RPL14: variants seen among roughly 807,000 people sequenced by gnomAD.
RPL14 encodes ribosomal protein L14, also known as large ribosomal subunit protein eL14.
A neutral mutation model predicts 25.3 loss-of-function variants in RPL14; 4 were observed. The ratio of observed to expected loss-of-function variants is 0.16; its 90% CI spans 0.08 to 0.36. The LOEUF is 0.36. RPL14 is among the 10% of genes least tolerant of loss of function. The pLI, the probability that RPL14 is intolerant of heterozygous loss-of-function variation, is 1.00. For synonymous variants in RPL14, 75 were observed against 89.8 expected (o/e 0.84, Z 0.93); for missense variants, 212 against 261.9 (o/e 0.81, Z 1.31).
rs1359946038 is a variant in RPL14 at position 40,467,504 on chromosome 3, T to C, written c.*5272T>C. ...CAAATTCACGCTTCCTCCCCCATTT[T>C]GTTCTATTTGAACCTTCCGTGGATA... On this transcript the variant is annotated 3_prime_UTR_variant, in exon 6 of 6. Transcript: ENST00000396203. The C allele has an allele frequency of 1.6e-4, 24 of 152,614 alleles. No individual in the cohort carries two copies. The East Asian group carries it at 4.6e-3, about 29-fold the overall frequency. The allele number at this position is 152,614 out of a possible 1,614,324, so 9.5% of individuals were successfully genotyped here. A position where few individuals can be genotyped will look rare whatever the true frequency, so the allele number is the denominator to read the frequency against.
Position 40,463,349 on chromosome 3 carries a change from G to C in RPL14, c.*1117G>C, listed in dbSNP as rs1696977911. ...GCCTTCTGAGTAGTTGGGACTATAG[G>C]TGTGTGCCACCACGTCTGGCTAGTT... On this transcript the variant is annotated 3_prime_UTR_variant, in exon 6 of 6. Coordinates refer to ENST00000396203, the MANE Select transcript of RPL14 (RefSeq NM_001034996.3). The C allele has an allele frequency of 6.6e-6, 1 of 152,196 alleles. No homozygotes were observed. The highest frequency in any genetic ancestry group is 6.6e-5 in the Admixed American group (1 of 15,264). 9.4% of individuals were successfully genotyped at this position (152,196 alleles called of 1,614,324 possible).
rs1487968098 is a variant in RPL14, at chr3:40,467,525, G to A, written c.*5293G>A. 1.3e-5 allele frequency: 2 copies of A among 152,374 alleles called. No homozygotes were observed. The highest frequency in any genetic ancestry group is 2.4e-5 in the African/African-American group (1 of 41,438). 9.4% of individuals were successfully genotyped at this position (152,374 alleles called of 1,614,324 possible). On this transcript the variant is annotated 3_prime_UTR_variant, in exon 6 of 6. Transcript: ENST00000396203. ...ATTTTGTTCTATTTGAACCTTCCGT[G>A]GATAGGATGATGCCCACCTGCATTG...
rs1438238262 is a variant in RPL14, at chr3:40,465,380, G to C, written c.*3148G>C. On this transcript the variant is annotated 3_prime_UTR_variant, in exon 6 of 6. Transcript: ENST00000396203. ...GCTTCTGGGAAAGGAGCTAATAGGA[G>C]AGAAACTTAGCCCTTCGAAAAACAG... 3.9e-5 allele frequency: 6 copies of C among 152,206 alleles called. No individual in the cohort carries two copies. Among genetic ancestry groups the C allele is most frequent in the Non-Finnish European group, 7.3e-5 (5 of 68,068 alleles). 9.4% of individuals were successfully genotyped at this position (152,206 alleles called of 1,614,324 possible). A position where few individuals can be genotyped will look rare whatever the true frequency, so the allele number is the denominator to read the frequency against.
intron 1 of RPL14, 158 bp from the exon 2 acceptor site, chr3:40,457,732 G>T: frequency 1.4e-6 from 1 of 726,898 alleles, no homozygotes. Context: ...GGCGTTTGCT[G>T]ATTTCGTCCA....
intron 5 of RPL14, 120 bp downstream of exon 5, chr3:40,461,781 C>T: frequency 1.5e-6 from 2 of 1,303,348 alleles, no homozygotes; most frequent in East Asian, 2.4e-5. Context: ...GAGAATTTAT[C>T]TTCATTTGTA....
chr3:40,461,381 T>C (rs1254176509), intron 3 of RPL14, 26 bp from the exon 4 acceptor site: 1 of 1,600,058 alleles, frequency 6.2e-7, no homozygotes, highest in East Asian at 2.2e-5. Flanking sequence ...GCTGATTTCT[T>C]AATCTGTGGT....
chr3:40,458,686 G>T lies in RPL14; in HGVS notation c.150G>T (p.Met50Ile). ...GPCTQVRRQA[M>I]PFKCMQLTDF... ...GCACTCAAGTGAGGAGACAGGCCAT[G>T]CCTTTCAAGTGCATGCAGCTCACTG... Residue 50 changes from methionine to isoleucine, a missense_variant, in exon 3 of 6, where the codon ATG becomes ATT. By Grantham distance (10) the Met-to-Ile change is conservative. Transcript: ENST00000396203. 6.2e-7 allele frequency: 1 copy of T among 1,614,206 alleles called. No individual in the cohort carries two copies. Among genetic ancestry groups the T allele is most frequent in the Non-Finnish European group, 8.5e-7 (1 of 1,180,044 alleles).
At position 40,463,052 on chromosome 3, in the gene RPL14, G is replaced by A. The variant is rs908352416; in HGVS notation, c.*820G>A. 2.0e-5 allele frequency: 3 copies of A among 151,816 alleles called. No individual in the cohort carries two copies. The highest frequency in any genetic ancestry group is 1.9e-4 in the East Asian group (1 of 5,146). The allele number at this position is 151,816 out of a possible 1,614,324, so 9.4% of individuals were successfully genotyped here. ...CCTGCCTTGGCTTCCCAGGTAGCTG[G>A]GACTACAGGCGCCCACCACCATGCC... On this transcript the variant is annotated 3_prime_UTR_variant, in exon 6 of 6. Coordinates refer to ENST00000396203, the MANE Select transcript of RPL14 (RefSeq NM_001034996.3).
chr3:40,461,205 A>G (rs1027573342), intron 3 of RPL14, among the ~76,000 whole-genome samples: 26 of 152,040 alleles, frequency 1.7e-4, no homozygotes, highest in Admixed American at 1.1e-3. Context: ...AAAAAAAAAA[A>G]GGGACTGGAT....
rs1239764882 is a variant in RPL14 at position 40,464,470 on chromosome 3, G to A, written c.*2238G>A. On this transcript the variant is annotated 3_prime_UTR_variant, in exon 6 of 6. Transcript: ENST00000396203. ...CATCTATACCTAAAATAAGAAGAAG[G>A]TGGTGTAAGGGGAAGAATGACACGA... 1 of 456,018 alleles carries A rather than the reference G, an allele frequency of 2.2e-6. No individual in the cohort carries two copies. The highest frequency in any genetic ancestry group is 4.4e-6 in the Non-Finnish European group (1 of 226,786). The allele number at this position is 456,018 out of a possible 1,614,324, so 28.2% of individuals were successfully genotyped here.
rs914685329 is a variant in RPL14 at position 40,464,909 on chromosome 3, C to T, written c.*2677C>T. 1.1e-5 allele frequency: 2 copies of T among 185,742 alleles called. No homozygotes were observed. Among genetic ancestry groups the T allele is most frequent in the Non-Finnish European group, 2.3e-5 (2 of 87,114 alleles). The allele number at this position is 185,742 out of a possible 1,614,324, so 11.5% of individuals were successfully genotyped here. A position where few individuals can be genotyped will look rare whatever the true frequency, so the allele number is the denominator to read the frequency against. On this transcript the variant is annotated 3_prime_UTR_variant, in exon 6 of 6. Transcript: ENST00000396203. The stretch of plus-strand genomic sequence containing the variant: ...CATGTAGACTATCTGGGTGTATATG[C>T]AAAGACTGCAGACAATCTATACTAA...
At chr3:40,457,520 GGACTCGCGCCCT>G in intron 1 of RPL14, 46 bp downstream of exon 1, 1 of 1,436,852 alleles carries the variant, frequency 7.0e-7, no homozygotes, top group Non-Finnish European at 9.5e-7. Flanking sequence ...GGCCCTTCCC[GGACTCGCGCCCT>G]TCCCGGACTC....
intron 1 of RPL14, 60 bp downstream of exon 1, chr3:40,457,534 C>G (rs1172065666): frequency 2.9e-6 from 4 of 1,372,588 alleles, no homozygotes; most frequent in Non-Finnish European, 4.0e-6. Context: ...TCGCGCCCTT[C>G]CCGGACTCGC....
rs1351387636 is a variant in RPL14, at chr3:40,464,397, G to A, written c.*2165G>A. The A allele has an allele frequency of 2.2e-6, 1 of 452,948 alleles. No individual in the cohort carries two copies. Among genetic ancestry groups the A allele is most frequent in the Non-Finnish European group, 4.4e-6 (1 of 225,356 alleles). The allele number at this position is 452,948 out of a possible 1,614,324, so 28.1% of individuals were successfully genotyped here. A position where few individuals can be genotyped will look rare whatever the true frequency, so the allele number is the denominator to read the frequency against. On this transcript the variant is annotated 3_prime_UTR_variant, in exon 6 of 6. Coordinates refer to ENST00000396203, the MANE Select transcript of RPL14 (RefSeq NM_001034996.3). ...AATAAGGAAAATATGGATGATTTCG[G>A]ATTACCTGTTCTACTCTGGGAGGTA...
chr3:40,459,020 TA>T (rs35873216), intron 3 of RPL14: 1,196 of 306,914 alleles, frequency 3.9e-3, no homozygotes, highest in South Asian at 6.6e-3. Flanking sequence ...CTACAAAAAA[TA>T]AAAAAAAAAT....
At position 40,468,230 on chromosome 3, in the gene RPL14, A is replaced by C. The variant is rs1303711365; in HGVS notation, c.*5998A>C. On this transcript the variant is annotated 3_prime_UTR_variant, in exon 6 of 6. Coordinates refer to ENST00000396203, the MANE Select transcript of RPL14 (RefSeq NM_001034996.3). ...GATGTTTATCTGATGCACATTGCCAATCAGTGCACTTGCTGGATTGAAGAA... is the reference window on the plus strand; with the variant it reads ...GATGTTTATCTGATGCACATTGCCACTCAGTGCACTTGCTGGATTGAAGAA... The C allele has an allele frequency of 6.6e-6, 1 of 152,158 alleles. No homozygotes were observed. The highest frequency in any genetic ancestry group is 1.5e-5 in the Non-Finnish European group (1 of 68,028). 9.4% of individuals were successfully genotyped at this position (152,158 alleles called of 1,614,324 possible).
At position 40,464,309 on chromosome 3, in the gene RPL14, G is replaced by A; in HGVS notation, c.*2077G>A. The A allele has an allele frequency of 2.8e-6, 1 of 356,884 alleles. No homozygotes were observed. The highest frequency in any genetic ancestry group is 2.1e-5 in the South Asian group (1 of 46,980). The allele number at this position is 356,884 out of a possible 1,614,324, so 22.1% of individuals were successfully genotyped here. On this transcript the variant is annotated 3_prime_UTR_variant, in exon 6 of 6. Transcript: ENST00000396203. ...TTTCCTAACCAAAAGCTAGCTTCAG[G>A]CGTCACTGGGGTAAAGGAAAAAGCA...
intron 1 of RPL14, 167 bp from the exon 2 acceptor site, chr3:40,457,723 G>A (rs949266051): frequency 7.2e-5 from 50 of 694,724 alleles, no homozygotes; most frequent in Non-Finnish European, 1.1e-4. Context: ...AGCTACTGAG[G>A]CGTTTGCTGA....
In RPL14 at chr3:40,465,483, A is replaced by T. The variant is rs1697014950; in HGVS notation, c.*3251A>T. The T allele has an allele frequency of 6.6e-6, 1 of 152,154 alleles. No individual in the cohort carries two copies. The highest frequency in any genetic ancestry group is 2.4e-5 in the African/African-American group (1 of 41,402). The allele number at this position is 152,154 out of a possible 1,614,324, so 9.4% of individuals were successfully genotyped here. A position where few individuals can be genotyped will look rare whatever the true frequency, so the allele number is the denominator to read the frequency against. Reference sequence around the variant, plus strand: ...GTCCTTTACGTGAGGAAAAGGAAGAAAAGGTGGGTTTAGATACTAAATCTG... The same window carrying T: ...GTCCTTTACGTGAGGAAAAGGAAGATAAGGTGGGTTTAGATACTAAATCTG... On this transcript the variant is annotated 3_prime_UTR_variant, in exon 6 of 6. Coordinates refer to ENST00000396203, the MANE Select transcript of RPL14 (RefSeq NM_001034996.3).
Sources: allele counts gnomAD v4.1 joint callset (sites outside exome capture counted in the v4.1 genomes callset), GRCh38; gene constraint gnomAD v4.1.1; transcripts MANE v1.5; gene names NCBI Gene and HGNC (gene_info 2026-07-23, HGNC 2026-07-21).